The following DNAH6 variants were observed in gnomAD, a reference collection of about 807,000 sequenced individuals.
DNAH6 encodes axonemal beta dynein heavy chain 6.
Under a neutral mutation model 491.4 loss-of-function variants are expected in DNAH6, and 340 were observed. The ratio of observed to expected loss-of-function variants is 0.69; its 90% CI spans 0.63 to 0.76. DNAH6 has a LOEUF of 0.76. Among genes scored for constraint, DNAH6 ranks in the 30% least tolerant of loss-of-function variants. DNAH6 has a pLI of 0.00. For synonymous variants in DNAH6, 1,603 were observed against 1,686.1 expected, an observed-to-expected ratio of 0.95 and a Z score of 1.21; for missense variants, 4,443 against 4,972.2, an observed-to-expected ratio of 0.89 and a Z score of 3.20.
chr2:84,579,866 T>C (rs1284338627), intron 14 of DNAH6, among the ~76,000 whole-genome samples, 187 bp downstream of exon 14: 3 of 152,240 alleles, frequency 2.0e-5, no homozygotes, highest in Non-Finnish European at 4.4e-5. Flanking sequence ...CTCTTAGTAC[T>C]AGTCAGGCAT....
chr2:84,564,580 G>T (rs1680989320), intron 11 of DNAH6, among the ~76,000 whole-genome samples: 1 of 152,092 alleles, frequency 6.6e-6, no homozygotes, highest in African/African-American at 2.4e-5. Flanking sequence ...AGTTCTAGGG[G>T]CCTTTTGGCA....
chr2:84,577,244 T>A lies in DNAH6; in HGVS notation c.1925-13T>A. The A allele has an allele frequency of 6.5e-7, 1 of 1,530,032 alleles. No individual in the cohort carries two copies. 94.8% of individuals were successfully genotyped at this position (1,530,032 alleles called of 1,614,324 possible). On this transcript the variant is annotated splice_polypyrimidine_tract_variant and intron_variant, in intron 12 of 76. Coordinates refer to ENST00000389394, the MANE Select transcript of DNAH6 (RefSeq NM_001370.2). The stretch of plus-strand genomic sequence containing the variant: ...TGGTATATTTTATGCTTTATGTGAA[T>A]TTTTTTATGTAGATATTAACTTTTT...
At chr2:84,485,770 C>A in the DNAH6 span, among the ~76,000 whole-genome samples, 1 of 151,934 alleles carries the variant, frequency 6.6e-6, no homozygotes, top group East Asian at 1.9e-4. Flanking sequence ...CAACATATGT[C>A]TGCCCATCTG....
rs1696611430 is a variant in DNAH6 at position 84,707,684 on chromosome 2, T to C, written c.9016T>C (p.Tyr3006His). The C allele has an allele frequency of 2.6e-6, 4 of 1,552,212 alleles. No individual in the cohort carries two copies. The highest frequency in any genetic ancestry group is 2.4e-5 in the East Asian group (1 of 40,934). The change falls in exon 54 of 77, where the codon TAT (tyrosine) becomes CAT (histidine). Residue 3006 changes from tyrosine to histidine, a missense_variant. This residue lies in a region of DNAH6 where 1,463 missense variants were observed against 1,656.6 expected (regional missense o/e 0.88). Transcript: ENST00000389394. ...VFIAAACVAY[Y>H]GAFTAQYRQS... is the part of the protein sequence containing the mutation. ...CATAGCAGCAGCTTGTGTGGCCTAC[T>C]ATGGGGCTTTCACAGCCCAGTACAG...
At chr2:84,725,072 G>A (rs898382075) in intron 60 of DNAH6, among the ~76,000 whole-genome samples, 8 of 152,168 alleles carry the variant, frequency 5.3e-5, no homozygotes, top group African/African-American at 1.9e-4. Context: ...ACTCCCAGGA[G>A]GCAAAAATGA....
intron 4 of DNAH6, among the ~76,000 whole-genome samples, chr2:84,541,487 A>G (rs180812184): frequency 6.6e-6 from 1 of 152,336 alleles, no homozygotes; most frequent in Non-Finnish European, 1.5e-5. Context: ...GGATGTGGCC[A>G]TTGACACACA....
intron 70 of DNAH6, among the ~76,000 whole-genome samples, chr2:84,802,795 G>T (rs900929549): frequency 6.6e-6 from 1 of 152,110 alleles, no homozygotes; most frequent in Non-Finnish European, 1.5e-5. Flanking sequence ...CTCTAATATT[G>T]ACCACATGCT....
the DNAH6 span, among the ~76,000 whole-genome samples, chr2:84,492,059 C>T: frequency 6.6e-6 from 1 of 152,132 alleles, no homozygotes; most frequent in African/African-American, 2.4e-5. Context: ...CCAGCTCATC[C>T]TTGTTTGCTC....
At chr2:84,483,311 C>T in the DNAH6 span, among the ~76,000 whole-genome samples, 3 of 152,146 alleles carry the variant, frequency 2.0e-5, no homozygotes, top group East Asian at 1.9e-4. Context: ...TTATCCAGTC[C>T]CTGGCATTTG....
intron 12 of DNAH6, 147 bp downstream of exon 12, chr2:84,573,734 A>T: frequency 1.6e-6 from 1 of 626,084 alleles, no homozygotes; most frequent in Non-Finnish European, 2.6e-6. Flanking sequence ...ATTCATTTCT[A>T]GGTTATTTTC....
At chr2:84,647,592 C>T (rs1350468929) in intron 33 of DNAH6, among the ~76,000 whole-genome samples, 1 of 152,144 alleles carries the variant, frequency 6.6e-6, no homozygotes, top group Non-Finnish European at 1.5e-5. Context: ...TCTACCTGTG[C>T]TCTAAAAATG....
chr2:84,775,893 T>A (rs1018446180), intron 64 of DNAH6, among the ~76,000 whole-genome samples: 5 of 152,184 alleles, frequency 3.3e-5, no homozygotes, highest in African/African-American at 9.7e-5. Flanking sequence ...TTTATTTGGA[T>A]CTTCTCTCTT....
Position 84,584,085 on chromosome 2 carries a change from C to T in DNAH6, c.2316C>T (p.Asp772=). 6.2e-7 allele frequency: 1 copy of T among 1,614,160 alleles called. No individual in the cohort carries two copies. Among genetic ancestry groups the T allele is most frequent in the Non-Finnish European group, 8.5e-7 (1 of 1,180,028 alleles). Residue 772 remains aspartate, a synonymous_variant, in exon 15 of 77, where the codon GAC becomes GAT. Coordinates refer to ENST00000389394, the MANE Select transcript of DNAH6 (RefSeq NM_001370.2). ...ATCAGGTGCCCACACCTCCTGAAGA[C>T]TTTGCTGTTTTTGCAACTATGAAGC... is the stretch of plus-strand genomic sequence containing the variant. ...EQYQVPTPPE[D]FAVFATMKPS...
At position 84,812,382 on chromosome 2, in the gene DNAH6, G is replaced by A. The variant is rs775613458; in HGVS notation, c.11781G>A (p.Val3927=). 9.7e-6 allele frequency: 15 copies of A among 1,551,982 alleles called. No individual in the cohort carries two copies. Among genetic ancestry groups the A allele is most frequent in the Non-Finnish European group, 1.0e-5 (12 of 1,147,048 alleles). ...TCAACAAAGCCATCGCTGGATTTGTGGTGATGTCTGAAGAAATGGAAAAAG... is the reference window on the plus strand; with the variant it reads ...TCAACAAAGCCATCGCTGGATTTGTAGTGATGTCTGAAGAAATGGAAAAAG... ...ETLNKAIAGF[V]VMSEEMEKVY... Residue 3927 remains valine, a synonymous_variant, in exon 73 of 77, where the codon GTG becomes GTA. Transcript: ENST00000389394.
chr2:84,777,025 C>T (rs1255911780), intron 64 of DNAH6, among the ~76,000 whole-genome samples: 2 of 152,180 alleles, frequency 1.3e-5, no homozygotes, highest in African/African-American at 2.4e-5. Context: ...TGTTCTCACT[C>T]ATAGGTGGGA....
chr2:84,494,785 C>T, the DNAH6 span, among the ~76,000 whole-genome samples: 1 of 152,222 alleles, frequency 6.6e-6, no homozygotes, highest in Non-Finnish European at 1.5e-5. Flanking sequence ...CCATATCCAG[C>T]AGACTTACTG....
chr2:84,498,224 A>G, the DNAH6 span, among the ~76,000 whole-genome samples: 1 of 152,150 alleles, frequency 6.6e-6, no homozygotes, highest in Non-Finnish European at 1.5e-5. Flanking sequence ...AGGCTAAGGG[A>G]CCAAGGAGTC....
At chr2:84,679,442 C>T (rs963990724) in intron 41 of DNAH6, among the ~76,000 whole-genome samples, 3 of 152,168 alleles carry the variant, frequency 2.0e-5, no homozygotes, top group African/African-American at 2.4e-5. Context: ...AAGGGTAAAC[C>T]GAACAGCACA....
intron 11 of DNAH6, among the ~76,000 whole-genome samples, chr2:84,561,234 C>T (rs1171847358): frequency 6.6e-6 from 1 of 152,116 alleles, no homozygotes; most frequent in African/African-American, 2.4e-5. Flanking sequence ...AATAACGCCG[C>T]ATATCTTCAA....
Sources: gnomAD v4.1 joint callset for allele counts (sites outside exome capture counted in the v4.1 genomes callset) on GRCh38, gnomAD v4.1.1 for gene constraint, gnomAD v4.1.1 regional missense constraint, MANE v1.5 for transcripts, NCBI Gene and HGNC (gene_info 2026-07-23, HGNC 2026-07-21) for gene names.